Variants in AK5 observed in about 807,000 individuals in gnomAD.
AK5 encodes the protein adenylate kinase 5.
AK5 carries 27 observed loss-of-function variants against 69.5 expected under a neutral mutation model. The ratio of observed to expected loss-of-function variants is 0.39; its 90% confidence interval spans 0.29 to 0.54. The LOEUF (loss-of-function observed/expected upper bound fraction) is 0.54. Among genes scored for constraint, AK5 ranks in the 20% least tolerant of loss-of-function variants. The probability of loss-of-function intolerance (pLI) is 0.71; values close to 1 mark genes in which losing one functional copy is unlikely to be tolerated. For synonymous variants in AK5, 260 were observed against 244.4 expected (o/e 1.06, Z -0.60); for missense variants, 531 against 700.4 (o/e 0.76, Z 2.73).
intron 10 of AK5, among the ~76,000 whole-genome samples, chr1:77,510,700 C>A (rs1657292032): frequency 6.6e-6 from 1 of 151,808 alleles, no homozygotes; most frequent in African/African-American, 2.4e-5. Context: ...TTGGAACAGG[C>A]AGGAGAGGAT....
At chr1:77,320,584 A>ATTTT (rs1419346798) in intron 5 of AK5, among the ~76,000 whole-genome samples, 1 of 152,096 alleles carries the variant, frequency 6.6e-6, no homozygotes, top group Non-Finnish European at 1.5e-5. Flanking sequence ...CCCCATCTCT[A>ATTTT]CTAAAAATAC....
chr1:77,356,210 T>C (rs1662518392), intron 6 of AK5, among the ~76,000 whole-genome samples: 2 of 152,194 alleles, frequency 1.3e-5, no homozygotes, highest in South Asian at 4.1e-4. Flanking sequence ...ATGTGTAATG[T>C]CACTGAAACA....
At chr1:77,329,812 G>A (rs114903114) in intron 5 of AK5, among the ~76,000 whole-genome samples, 152 of 152,226 alleles carry the variant, frequency 1.0e-3, no homozygotes, top group African/African-American at 3.5e-3. Context: ...TCAGGTTGCC[G>A]TGCTATTGTC....
chr1:77,295,634 A>G (rs1428842842), intron 3 of AK5, among the ~76,000 whole-genome samples: 1 of 151,664 alleles, frequency 6.6e-6, no homozygotes, highest in Admixed American at 6.6e-5. Context: ...GTATCTCATC[A>G]TTTTATGATG....
At position 77,518,634 on chromosome 1, in the gene AK5, A is replaced by G; in HGVS notation, c.1218A>G (p.Ser406=). 1 of 1,614,198 alleles carries G rather than the reference A, an allele frequency of 6.2e-7. No homozygotes were observed. The highest frequency in any genetic ancestry group is 8.5e-7 in the Non-Finnish European group (1 of 1,180,038). ...LVEKYGFTHL[S]TGELLREELA... is the part of the protein sequence containing the mutation. ...AAAAATATGGATTTACACATCTCTCAACTGGCGAGCTCCTGCGTGAGGAAC... is the reference window on the plus strand; with the variant it reads ...AAAAATATGGATTTACACATCTCTCGACTGGCGAGCTCCTGCGTGAGGAAC... Residue 406 remains serine, a synonymous_variant, in exon 11 of 14, where the codon TCA becomes TCG. Coordinates refer to ENST00000354567, the MANE Select transcript of AK5 (RefSeq NM_174858.3).
intron 5 of AK5, among the ~76,000 whole-genome samples, chr1:77,301,412 G>C (rs1273607075): frequency 6.6e-6 from 1 of 152,254 alleles, no homozygotes; most frequent in Admixed American, 6.5e-5. Context: ...GGAACTGAGA[G>C]GAAGGCCGGG....
At chr1:77,549,021 A>G (rs1428214660) in intron 13 of AK5, among the ~76,000 whole-genome samples, 1 of 149,104 alleles carries the variant, frequency 6.7e-6, no homozygotes, top group African/African-American at 2.5e-5. Flanking sequence ...AATTACAGGT[A>G]CCTGCCACCA....
At position 77,480,729 on chromosome 1, in the gene AK5, G is replaced by C. The variant is rs891383062; in HGVS notation, c.1060-2588G>C. 7.9e-5 allele frequency among the ~76,000 whole-genome samples: 12 copies of C among 152,306 alleles called. No homozygotes were observed. In the South Asian group the frequency reaches 2.3e-3, roughly 29 times the overall value. On this transcript the variant is annotated intron_variant, in intron 8 of 13. Transcript: ENST00000354567. Reference sequence around the variant, plus strand: ...ATCCTTTTCCAGGAAATACTCTTGAGCCTGTTCTATGCAGCTGCACCTTAG... The same window carrying C: ...ATCCTTTTCCAGGAAATACTCTTGACCCTGTTCTATGCAGCTGCACCTTAG...
chr1:77,486,739 T>G (rs1238914230), intron 10 of AK5, among the ~76,000 whole-genome samples: 1 of 152,178 alleles, frequency 6.6e-6, no homozygotes, highest in Non-Finnish European at 1.5e-5. Context: ...GACTATTTAT[T>G]TCTCATCCTG....
At position 77,559,244 on chromosome 1, in the gene AK5, T is replaced by TTGAC. The variant is rs1343686115; in HGVS notation, c.*575_*578dup. ...TATAGAGGCATCAAGCAAGTAAAATTTGACAGAAATTTTAAAATATGAAGA... is the reference window on the plus strand; with the variant it reads ...TATAGAGGCATCAAGCAAGTAAAATTTGACTGACAGAAATTTTAAAATATGAAGA... On this transcript the variant is annotated 3_prime_UTR_variant, in exon 14 of 14. Coordinates refer to ENST00000354567, the MANE Select transcript of AK5 (RefSeq NM_174858.3). 1.3e-5 allele frequency: 2 copies of TTGAC among 152,160 alleles called. No individual in the cohort carries two copies. Among genetic ancestry groups the TTGAC allele is most frequent in the Non-Finnish European group, 2.9e-5 (2 of 68,028 alleles). 9.4% of individuals were successfully genotyped at this position (152,160 alleles called of 1,614,324 possible).
At chr1:77,320,563 A>G (rs950933873) in intron 5 of AK5, among the ~76,000 whole-genome samples, 3 of 152,166 alleles carry the variant, frequency 2.0e-5, no homozygotes, top group African/African-American at 7.2e-5. Flanking sequence ...AGCCTGGTCA[A>G]TATGGTGAAA....
intron 6 of AK5, among the ~76,000 whole-genome samples, chr1:77,391,495 G>GTGTGTATATATATATATATATA (rs1425180466): frequency 4.3e-4 from 27 of 63,356 alleles, no homozygotes; most frequent in Middle Eastern, 6.0e-3. Context: ...GTGTGTGTGT[G>GTGTGTATATATATATATATATA]TATATATATA....
intron 10 of AK5, among the ~76,000 whole-genome samples, chr1:77,498,058 A>C (rs1045832782): frequency 2.6e-5 from 4 of 152,232 alleles, no homozygotes; most frequent in Admixed American, 6.5e-5. Flanking sequence ...AGGCTGGAAG[A>C]GAGCTAAGAC....
At chr1:77,554,771 A>AAT (rs1250944097) in intron 13 of AK5, among the ~76,000 whole-genome samples, 3,369 of 119,670 alleles carry the variant, frequency 0.028, 45 homozygotes, top group Middle Eastern at 0.088. Context: ...ATGCCCGGCT[A>AAT]TTTTTTTTTT....
intron 8 of AK5, among the ~76,000 whole-genome samples, chr1:77,441,038 C>T (rs1198006698): frequency 1.3e-5 from 2 of 152,310 alleles, no homozygotes; most frequent in East Asian, 3.9e-4. Context: ...CGTGAGCCAC[C>T]GTGCTCAGCC....
At chr1:77,307,990 G>T (rs1363810545) in intron 5 of AK5, among the ~76,000 whole-genome samples, 3 of 152,130 alleles carry the variant, frequency 2.0e-5, no homozygotes, top group Admixed American at 6.5e-5. Context: ...CTGACATCTT[G>T]CTCCGCCTCA....
chr1:77,385,600 C>T (rs541370589), intron 6 of AK5, among the ~76,000 whole-genome samples: 12 of 152,200 alleles, frequency 7.9e-5, no homozygotes, highest in African/African-American at 2.2e-4. Context: ...GTGTGGTCAA[C>T]GAAAAGGCCT....
chr1:77,450,160 T>C (rs979470887), intron 8 of AK5, among the ~76,000 whole-genome samples: 4 of 152,198 alleles, frequency 2.6e-5, no homozygotes, highest in Non-Finnish European at 5.9e-5. Flanking sequence ...CACCTCAGCC[T>C]GCACCTTGTT....
At chr1:77,345,744 G>A (rs896087179) in intron 6 of AK5, among the ~76,000 whole-genome samples, 3 of 152,078 alleles carry the variant, frequency 2.0e-5, no homozygotes, top group African/African-American at 7.2e-5. Context: ...TGCTTCATTT[G>A]CCCCATATCA....
Sources: allele counts gnomAD v4.1 joint callset (sites outside exome capture counted in the v4.1 genomes callset), GRCh38; gene constraint gnomAD v4.1.1; transcripts MANE v1.5; gene names NCBI Gene and HGNC (gene_info 2026-07-23, HGNC 2026-07-21).